ATRNL1: variants seen among roughly 807,000 people sequenced by gnomAD.
The protein encoded by ATRNL1 is attractin like 1.
ATRNL1 carries 95 observed loss-of-function variants against 182.7 expected under a neutral mutation model. The observed-to-expected ratio is 0.52, with a 90% CI of 0.44 to 0.62. The LOEUF (loss-of-function observed/expected upper bound fraction) is 0.62. Among genes scored for constraint, ATRNL1 ranks in the 20% least tolerant of loss-of-function variants. The pLI, the probability that ATRNL1 is intolerant of heterozygous loss-of-function variation, is 0.00. For missense variants in ATRNL1, 1,471 were observed against 1,679.5 expected (o/e 0.88, Z 2.17); for synonymous variants, 576 against 568.3 (o/e 1.01, Z -0.19).
At chr10:115,250,513 A>G (rs1592323292) in intron 10 of ATRNL1, among the ~76,000 whole-genome samples, 1 of 152,186 alleles carries the variant, frequency 6.6e-6, no homozygotes, top group East Asian at 1.9e-4. Flanking sequence ...CACTGACAGC[A>G]GAGCTATTTC....
chr10:115,299,102 T>C (rs1031857359), intron 15 of ATRNL1, among the ~76,000 whole-genome samples: 2 of 151,786 alleles, frequency 1.3e-5, no homozygotes, highest in Admixed American at 1.3e-4. Context: ...AAAAGAACAA[T>C]GTGGAGTTTT....
At chr10:115,733,150 G>C (rs190498818) in intron 27 of ATRNL1, among the ~76,000 whole-genome samples, 4 of 152,090 alleles carry the variant, frequency 2.6e-5, no homozygotes, top group African/African-American at 9.7e-5. Context: ...GGTAATTATA[G>C]TCAAGTAGGC....
At chr10:115,826,239 T>G (rs1950429062) in intron 27 of ATRNL1, among the ~76,000 whole-genome samples, 1 of 152,108 alleles carries the variant, frequency 6.6e-6, no homozygotes. Context: ...GAATTTCTCT[T>G]GGGTTGCTGG....
At chr10:115,672,163 C>G (rs1945716909) in intron 26 of ATRNL1, among the ~76,000 whole-genome samples, 1 of 151,980 alleles carries the variant, frequency 6.6e-6, no homozygotes, top group Non-Finnish European at 1.5e-5. Flanking sequence ...TATGCCCAGC[C>G]AGGAAATATT....
chr10:115,803,836 G>A (rs1453054452), intron 27 of ATRNL1, among the ~76,000 whole-genome samples: 12 of 152,008 alleles, frequency 7.9e-5, no homozygotes, highest in Admixed American at 7.2e-4. Context: ...TTCATGTCTT[G>A]TGTTTTTCTG....
At chr10:115,320,905 G>A (rs931639135) in intron 18 of ATRNL1, among the ~76,000 whole-genome samples, 9 of 151,928 alleles carry the variant, frequency 5.9e-5, no homozygotes, top group African/African-American at 1.7e-4. Flanking sequence ...CCAGTTCTGC[G>A]CCCTTGCTGG....
chr10:115,870,923 A>G (rs1555105945), intron 28 of ATRNL1, among the ~76,000 whole-genome samples: 2 of 152,210 alleles, frequency 1.3e-5, no homozygotes, highest in African/African-American at 4.8e-5. Flanking sequence ...TCTAGGAACA[A>G]TATCAGGCCC....
At chr10:115,223,075 T>A (rs1849532080) in intron 9 of ATRNL1, among the ~76,000 whole-genome samples, 1 of 151,978 alleles carries the variant, frequency 6.6e-6, no homozygotes, top group Admixed American at 6.6e-5. Flanking sequence ...AAGCCAGGGG[T>A]TCAATACCAG....
chr10:115,851,173 G>A (rs1477756898), intron 28 of ATRNL1, among the ~76,000 whole-genome samples: 1 of 151,766 alleles, frequency 6.6e-6, no homozygotes, highest in Admixed American at 6.6e-5. Context: ...AAATGTCAGT[G>A]TCATGTGTAC....
intron 27 of ATRNL1, among the ~76,000 whole-genome samples, chr10:115,743,214 A>G (rs1382418005): frequency 1.4e-5 from 2 of 140,704 alleles, no homozygotes; most frequent in Admixed American, 7.4e-5. Flanking sequence ...CAGACAAACC[A>G]TATTAGCTTC....
chr10:115,366,835 T>G (rs1857070036), intron 19 of ATRNL1, among the ~76,000 whole-genome samples: 1 of 146,764 alleles, frequency 6.8e-6, no homozygotes, highest in Admixed American at 6.7e-5. Context: ...TTAAGAATGT[T>G]GAATATTGGC....
chr10:115,893,680 T>C (rs1194877134), intron 28 of ATRNL1, among the ~76,000 whole-genome samples: 1 of 152,180 alleles, frequency 6.6e-6, no homozygotes, highest in East Asian at 1.9e-4. Flanking sequence ...CAGCCACTCC[T>C]GCAGATGATT....
At chr10:115,879,148 A>T (rs1308743821) in intron 28 of ATRNL1, among the ~76,000 whole-genome samples, 1 of 152,022 alleles carries the variant, frequency 6.6e-6, no homozygotes, top group African/African-American at 2.4e-5. Context: ...TAAAAATTAC[A>T]TTTAAAAAAA....
intron 1 of ATRNL1, among the ~76,000 whole-genome samples, chr10:115,114,242 A>G (rs1195555659): frequency 6.6e-6 from 1 of 152,204 alleles, no homozygotes; most frequent in African/African-American, 2.4e-5. Context: ...TCCCTTATAG[A>G]AGAATCAACT....
intron 25 of ATRNL1, among the ~76,000 whole-genome samples, chr10:115,544,786 G>A (rs771864699): frequency 6.6e-6 from 1 of 152,124 alleles, no homozygotes; most frequent in Non-Finnish European, 1.5e-5. Flanking sequence ...TTCAGATGAT[G>A]GAAATTCTGT....
At chr10:115,812,608 C>A (rs1589540068) in intron 27 of ATRNL1, among the ~76,000 whole-genome samples, 1 of 152,266 alleles carries the variant, frequency 6.6e-6, no homozygotes, top group East Asian at 1.9e-4. Flanking sequence ...TCCCAAGCAG[C>A]TGGGATTACA....
rs573595937 is a variant in ATRNL1, at chr10:115,365,268, A to T, written c.3176-29391A>T. Among the ~76,000 whole-genome samples the T allele has an allele frequency of 7.0e-4, 107 of 152,184 alleles. 2 individuals carry two copies. The South Asian group carries it at 0.022, about 31-fold the overall frequency. ...TCTTGGGAGAGTGTATGTATCGAGGAATTTATCCATTTCTTCTAGATTTTC... is the reference window on the plus strand; with the variant it reads ...TCTTGGGAGAGTGTATGTATCGAGGTATTTATCCATTTCTTCTAGATTTTC... On this transcript the variant is annotated intron_variant, in intron 19 of 28. Transcript: ENST00000355044.
chr10:115,636,923 C>T (rs568925829), intron 26 of ATRNL1, among the ~76,000 whole-genome samples: 1 of 152,220 alleles, frequency 6.6e-6, no homozygotes, highest in Admixed American at 6.5e-5. Flanking sequence ...ATTTCATCAT[C>T]AGACTGCATA....
chr10:115,373,995 T>G (rs1246278746), intron 19 of ATRNL1, among the ~76,000 whole-genome samples: 1 of 151,928 alleles, frequency 6.6e-6, no homozygotes, highest in Non-Finnish European at 1.5e-5. Flanking sequence ...GCCATCAGGA[T>G]CTGAGCTTTT....
Sources: allele counts gnomAD v4.1 joint callset (sites outside exome capture counted in the v4.1 genomes callset), GRCh38; gene constraint gnomAD v4.1.1; transcripts MANE v1.5; gene names NCBI Gene and HGNC (gene_info 2026-07-23, HGNC 2026-07-21).